The following DCST2 variants were observed in gnomAD, a reference collection of about 807,000 sequenced individuals.
DCST2 encodes the protein DC-STAMP domain containing 2.
A neutral mutation model predicts 81.8 loss-of-function variants in DCST2; 64 were observed. The observed-to-expected ratio is 0.78, with a 90% CI of 0.64 to 0.96. The LOEUF (loss-of-function observed/expected upper bound fraction) is 0.96, where lower values mean the gene tolerates loss of function less well. Among genes scored for constraint, DCST2 ranks in the 40% least tolerant of loss-of-function variants. The pLI is 0.00. For missense variants in DCST2, 945 were observed against 1,001.4 expected (o/e 0.94, Z 0.76); for synonymous variants, 354 against 402.6 (o/e 0.88, Z 1.44).
intron 8 of DCST2, among the ~76,000 whole-genome samples, chr1:155,027,554 CTTTT>C (rs779621299): frequency 6.2e-5 from 4 of 64,018 alleles, no homozygotes; most frequent in Non-Finnish European, 8.5e-5. Context: ...TTTTTTACTT[CTTTT>C]TTTTTTTTTT....
At chr1:155,022,693 C>G (rs554001761) in intron 14 of DCST2, among the ~76,000 whole-genome samples, 52 of 152,288 alleles carry the variant, frequency 3.4e-4, no homozygotes, top group Middle Eastern at 3.4e-3. Context: ...TTGCAGTGAA[C>G]TGGGATTGCA....
In DCST2 at chr1:155,024,517, G is replaced by A. The variant is rs137944418; in HGVS notation, c.1697C>T (p.Ala566Val). ...AALHRSVRRR[A>V]ADQGHRSAFL... ...GGCACTTCTGTGGCCCTGGTCAGCC[G>A]CCCGCCGCCTCACTGATCGGTGCAG... is the stretch of plus-strand genomic sequence containing the variant. The change falls in exon 11 of 15, where the codon GCG (alanine) becomes GTG (valine). Residue 566 changes from alanine to valine, a missense_variant. By Grantham distance (64) the Ala-to-Val change is moderately conservative (BLOSUM62 0). Coordinates refer to ENST00000368424, the MANE Select transcript of DCST2 (RefSeq NM_144622.3). 1,515 of 1,607,300 alleles carry A rather than the reference G, an allele frequency of 9.4e-4. 11 individuals carry two copies. The African/African-American group carries it at 0.018, about 19-fold the overall frequency.
At chr1:155,029,476 T>C in intron 7 of DCST2, 79 bp from the exon 8 acceptor site, 3 of 1,440,318 alleles carry the variant, frequency 2.1e-6, no homozygotes, top group Non-Finnish European at 2.9e-6. Context: ...AGAGGCCTCC[T>C]GCCCCTAATC....
chr1:155,024,083 C>T, intron 11 of DCST2, 124 bp from the exon 12 acceptor site: 1 of 1,358,146 alleles, frequency 7.4e-7, no homozygotes, highest in African/African-American at 1.5e-5. Flanking sequence ...CTCCATCCCT[C>T]TGATTTCAGC....
At chr1:155,018,973 G>A (rs1659663930) in intron 14 of DCST2, among the ~76,000 whole-genome samples, 1 of 152,168 alleles carries the variant, frequency 6.6e-6, no homozygotes, top group South Asian at 2.1e-4. Context: ...ACTTGCCTGA[G>A]GCCACATGGC....
chr1:155,031,848 C>G (rs1660095965), intron 3 of DCST2, 77 bp from the exon 4 acceptor site: 13 of 1,448,854 alleles, frequency 9.0e-6, no homozygotes, highest in Non-Finnish European at 1.1e-5. Context: ...AACAATACCA[C>G]AGTATCCAGG....
At chr1:155,026,471 C>G in intron 9 of DCST2, 69 bp from the exon 10 acceptor site, 2 of 1,612,664 alleles carry the variant, frequency 1.2e-6, no homozygotes, top group Non-Finnish European at 1.7e-6. Flanking sequence ...TGGCGCCCCC[C>G]ACATCCTCAG....
intron 10 of DCST2, among the ~76,000 whole-genome samples, chr1:155,025,870 C>T (rs1179132292): frequency 2.0e-5 from 3 of 150,330 alleles, no homozygotes; most frequent in Admixed American, 6.7e-5. Context: ...CTTTTTTTTT[C>T]TTTCTTTCTT....
At chr1:155,020,709 C>T (rs895889996) in intron 14 of DCST2, among the ~76,000 whole-genome samples, 3 of 152,164 alleles carry the variant, frequency 2.0e-5, no homozygotes, top group South Asian at 2.1e-4. Flanking sequence ...CCCATCATGA[C>T]AGATCCAGTT....
rs188808511 is a variant in DCST2, at chr1:155,030,153, G to A, written c.1108C>T (p.Arg370Cys). The A allele has an allele frequency of 3.1e-5, 50 of 1,614,164 alleles. 1 individual carries two copies. In the Admixed American group the frequency reaches 5.7e-4, roughly 18 times the overall value. ...TSRFLRMEAV[R>C]STAGLPTVLP... ...ACTGTGGGCAGCCCTGCCGTGGAGC[G>A]CACAGCCTCCATGCGCAGGAATCGG... The change falls in exon 7 of 15, where the codon CGC becomes TGC. Residue 370 changes from arginine to cysteine, a missense_variant. Arg to Cys is a radical substitution (Grantham distance 180). Transcript: ENST00000368424.
chr1:155,023,609 TGCATATAAATCCTATTCATAAATACCC>T (rs1558098248), intron 12 of DCST2, 152 bp from the exon 13 acceptor site: 1 of 1,546,484 alleles, frequency 6.5e-7, no homozygotes, highest in Admixed American at 2.0e-5. Flanking sequence ...CAATGCCACT[TGCATATAAATCCTATTCATAAATACCC>T]GGGAGAATAA....
chr1:155,018,818 TC>T (rs1353470572), intron 14 of DCST2, 58 bp from the exon 15 acceptor site: 10 of 1,530,608 alleles, frequency 6.5e-6, no homozygotes, highest in Non-Finnish European at 8.9e-6. Flanking sequence ...CACAGGTGCA[TC>T]CCTGCCCCCT....
intron 4 of DCST2, 27 bp from the exon 5 acceptor site, chr1:155,031,261 G>C: frequency 6.5e-7 from 1 of 1,550,062 alleles, no homozygotes; most frequent in Non-Finnish European, 8.7e-7. Context: ...GCTGAGTGTC[G>C]GAAGGAGGGG....
Position 155,018,834 on chromosome 1 carries a change from T to A in DCST2, c.2106-74A>T, listed in dbSNP as rs1571538318. The A allele has an allele frequency of 2.1e-6, 3 of 1,438,912 alleles. No homozygotes were observed. The East Asian group carries it at 7.3e-5, about 35-fold the overall frequency. The allele number at this position is 1,438,912 out of a possible 1,614,324, so 89.1% of individuals were successfully genotyped here. A position where few individuals can be genotyped will look rare whatever the true frequency, so the allele number is the denominator to read the frequency against. Reference sequence around the variant, plus strand: ...ACAGGTGCATCCCTGCCCCCTGCCCTGCCCCATCTGTTCAGATCCAGCTCC... The same window carrying A: ...ACAGGTGCATCCCTGCCCCCTGCCCAGCCCCATCTGTTCAGATCCAGCTCC... On this transcript the variant is annotated intron_variant, in intron 14 of 14. Coordinates refer to ENST00000368424, the MANE Select transcript of DCST2 (RefSeq NM_144622.3).
intron 12 of DCST2, 46 bp from the exon 13 acceptor site, chr1:155,023,503 C>T: frequency 6.4e-7 from 1 of 1,553,796 alleles, no homozygotes. Flanking sequence ...GTTCACCCAC[C>T]CACCCTCTGT....
intron 5 of DCST2, 155 bp downstream of exon 5, chr1:155,031,014 G>A: frequency 1.2e-6 from 1 of 803,172 alleles, no homozygotes; most frequent in South Asian, 1.9e-5. Context: ...GATCTGTACA[G>A]CATGGATATG....
At chr1:155,023,045 G>C in intron 14 of DCST2, 72 bp downstream of exon 14, 1 of 1,552,312 alleles carries the variant, frequency 6.4e-7, no homozygotes, top group Non-Finnish European at 8.7e-7. Context: ...CACCCAGGAA[G>C]GCCTTTGCAA....
At chr1:155,030,030 G>C (rs375685016) in intron 7 of DCST2, 54 bp downstream of exon 7, 3 of 1,604,428 alleles carry the variant, frequency 1.9e-6, no homozygotes, top group Admixed American at 1.7e-5. Context: ...CAGCGGGGTG[G>C]GGGGAAGCCC....
intron 4 of DCST2, 59 bp downstream of exon 4, chr1:155,031,515 T>TGA: frequency 1.4e-5 from 9 of 643,124 alleles, no homozygotes; most frequent in Non-Finnish European, 2.6e-5. Context: ...ACCCCCACAT[T>TGA]CCCACCCCAC....
Sources: gnomAD v4.1 joint callset for allele counts (sites outside exome capture counted in the v4.1 genomes callset) on GRCh38, gnomAD v4.1.1 for gene constraint, MANE v1.5 for transcripts, NCBI Gene and HGNC (gene_info 2026-07-23, HGNC 2026-07-21) for gene names.